The following GRM3 variants were observed in gnomAD, a reference collection of about 807,000 sequenced individuals.
The protein encoded by GRM3 is glutamate metabotropic receptor 3, also known as metabotropic glutamate receptor 3.
A neutral mutation model predicts 70.5 loss-of-function variants in GRM3; 26 were observed. That is an observed-to-expected ratio of 0.37 (90% CI 0.27 to 0.51). The LOEUF is 0.51. Ranked by LOEUF, GRM3 falls within the 20% of genes least tolerant of loss-of-function variation. GRM3 has a pLI of 0.93. For synonymous variants in GRM3, 443 were observed against 434.9 expected, an observed-to-expected ratio of 1.02 and a Z score of -0.23; for missense variants, 859 against 1,123.8, an observed-to-expected ratio of 0.76 and a Z score of 3.37.
At chr7:86,778,846 C>T (rs1431829885) in intron 2 of GRM3, among the ~76,000 whole-genome samples, 14 of 152,014 alleles carry the variant, frequency 9.2e-5, no homozygotes, top group Admixed American at 9.2e-4. Context: ...AAGTTCCAAC[C>T]CCCAGTACCT....
intron 1 of GRM3, among the ~76,000 whole-genome samples, chr7:86,684,233 T>G (rs954116767): frequency 1.3e-5 from 2 of 152,146 alleles, no homozygotes; most frequent in African/African-American, 4.8e-5. Context: ...TGCACAGCCC[T>G]TATCTCCCAC....
At chr7:86,796,404 T>C (rs1416762478) in intron 3 of GRM3, among the ~76,000 whole-genome samples, 1 of 152,184 alleles carries the variant, frequency 6.6e-6, no homozygotes, top group Non-Finnish European at 1.5e-5. Flanking sequence ...AGATCTCTAT[T>C]CTGTTCCATT....
intron 1 of GRM3, among the ~76,000 whole-genome samples, chr7:86,687,184 A>G (rs1181214456): frequency 6.6e-6 from 1 of 152,002 alleles, no homozygotes; most frequent in East Asian, 1.9e-4. Context: ...TAGAACATAA[A>G]TGATTGAAAA....
intron 1 of GRM3, among the ~76,000 whole-genome samples, chr7:86,661,721 A>T (rs539109946): frequency 2.6e-5 from 4 of 151,934 alleles, no homozygotes; most frequent in African/African-American, 7.2e-5. Flanking sequence ...TTACAGAATA[A>T]AAAACATTTT....
chr7:86,839,679 A>C lies in GRM3; in HGVS notation c.2165A>C (p.Lys722Thr). ...ACCAGGAGGTATACCCTTGCAGAGA[A>C]GCGGGAAACAGTCATCCTAAAATGC... ...PGTRRYTLAE[K>T]RETVILKCNV... The change falls in exon 4 of 6, where the codon AAG becomes ACG. Residue 722 changes from lysine (K) to threonine (T), a missense_variant. By Grantham distance (78) the Lys-to-Thr change is moderately conservative. Coordinates refer to ENST00000361669, the MANE Select transcript of GRM3 (RefSeq NM_000840.3). The surrounding 1 kb of genome is among the most constrained non-coding windows in gnomAD (Gnocchi z 4.5). The C allele has an allele frequency of 6.2e-7, 1 of 1,613,970 alleles. No homozygotes were observed. Among genetic ancestry groups the C allele is most frequent in the East Asian group, 2.2e-5 (1 of 44,848 alleles).
At chr7:86,667,718 C>T (rs1794062173) in intron 1 of GRM3, among the ~76,000 whole-genome samples, 1 of 152,134 alleles carries the variant, frequency 6.6e-6, no homozygotes, top group African/African-American at 2.4e-5. Context: ...GTCACCTCTG[C>T]CCAGGCCCAC....
intron 3 of GRM3, among the ~76,000 whole-genome samples, chr7:86,801,623 C>T: frequency 6.6e-6 from 1 of 152,272 alleles, no homozygotes; most frequent in Admixed American, 6.5e-5. Flanking sequence ...GAAAAAAATT[C>T]TTTCTGCCAT....
At chr7:86,799,565 C>T (rs929700975) in intron 3 of GRM3, among the ~76,000 whole-genome samples, 10 of 152,096 alleles carry the variant, frequency 6.6e-5, no homozygotes, top group Middle Eastern at 3.4e-3. Flanking sequence ...CTCACTCTGT[C>T]GCCCAGGCTG....
intron 1 of GRM3, among the ~76,000 whole-genome samples, chr7:86,716,117 T>C (rs562510580): frequency 6.6e-6 from 1 of 152,108 alleles, no homozygotes; most frequent in East Asian, 1.9e-4. Flanking sequence ...GGTGGATAAG[T>C]AGAGATAAAG....
intron 2 of GRM3, among the ~76,000 whole-genome samples, chr7:86,778,215 C>T (rs1172474937): frequency 6.6e-6 from 1 of 152,154 alleles, no homozygotes; most frequent in Non-Finnish European, 1.5e-5. Context: ...CTGTAAATAA[C>T]ATTCTTCTTG....
At chr7:86,725,034 T>C (rs910132238) in intron 1 of GRM3, among the ~76,000 whole-genome samples, 1 of 152,122 alleles carries the variant, frequency 6.6e-6, no homozygotes, top group Non-Finnish European at 1.5e-5. Flanking sequence ...ATTCTTATCA[T>C]TAGCCTGGAA....
intron 1 of GRM3, among the ~76,000 whole-genome samples, chr7:86,699,257 C>T (rs1794897191): frequency 6.6e-6 from 1 of 151,900 alleles, no homozygotes; most frequent in African/African-American, 2.4e-5. Flanking sequence ...TAACACCTAC[C>T]AGCTTATGTA....
chr7:86,785,745 T>C (rs1797221322), intron 2 of GRM3, among the ~76,000 whole-genome samples: 1 of 134,472 alleles, frequency 7.4e-6, no homozygotes, highest in Non-Finnish European at 1.6e-5. Flanking sequence ...AAATGTCTAA[T>C]CTGGACTGCC....
intron 2 of GRM3, among the ~76,000 whole-genome samples, chr7:86,783,827 G>GT (rs1584240350): frequency 6.6e-6 from 1 of 152,028 alleles, no homozygotes; most frequent in Admixed American, 6.6e-5. Context: ...TCTGAATATC[G>GT]TAAGTTTGAC....
intron 3 of GRM3, among the ~76,000 whole-genome samples, chr7:86,835,242 T>C (rs1798433008): frequency 6.6e-6 from 1 of 152,132 alleles, no homozygotes; most frequent in Non-Finnish European, 1.5e-5. Context: ...TATGGTAATA[T>C]ACATTTTAAA....
intron 1 of GRM3, among the ~76,000 whole-genome samples, chr7:86,747,937 C>A (rs1228867151): frequency 6.6e-6 from 1 of 152,032 alleles, no homozygotes. Flanking sequence ...CTGGAGCTAA[C>A]GTTTGCGCAG....
At chr7:86,793,695 G>T (rs571539160) in intron 3 of GRM3, among the ~76,000 whole-genome samples, 4 of 152,276 alleles carry the variant, frequency 2.6e-5, no homozygotes, top group Non-Finnish European at 5.9e-5. Context: ...CTTGAGAAAT[G>T]ATTCCCATTT....
At chr7:86,805,542 G>A (rs1360067385) in intron 3 of GRM3, among the ~76,000 whole-genome samples, 1 of 152,080 alleles carries the variant, frequency 6.6e-6, no homozygotes, top group African/African-American at 2.4e-5. Context: ...TATAGTACCA[G>A]AGAATAGTTT....
At chr7:86,683,780 A>G (rs1794496979) in intron 1 of GRM3, among the ~76,000 whole-genome samples, 1 of 152,158 alleles carries the variant, frequency 6.6e-6, no homozygotes, top group African/African-American at 2.4e-5. Flanking sequence ...GGAAAGTGCC[A>G]GGTGCCTTTA....
Sources: gnomAD v4.1 joint callset for allele counts (sites outside exome capture counted in the v4.1 genomes callset) on GRCh38, gnomAD v4.1.1 for gene constraint, Gnocchi (gnomAD v3.1) non-coding constraint, MANE v1.5 for transcripts, NCBI Gene and HGNC (gene_info 2026-07-23, HGNC 2026-07-21) for gene names.